Variants in MCC observed in about 807,000 individuals in gnomAD.
MCC encodes the protein colorectal mutant cancer protein.
MCC carries 90 observed loss-of-function variants against 116.2 expected under a neutral mutation model. The observed-to-expected ratio is 0.77, with a 90% CI of 0.65 to 0.92. The LOEUF (loss-of-function observed/expected upper bound fraction) is 0.92, where lower values mean the gene tolerates loss of function less well. MCC is among the 40% of genes least tolerant of loss of function. The pLI, the probability that MCC is intolerant of heterozygous loss-of-function variation, is 0.00. For missense variants in MCC, 1,516 were observed against 1,312.2 expected (o/e 1.16, Z -2.40); for synonymous variants, 578 against 510.5 (o/e 1.13, Z -1.78).
rs777697490 is a variant in MCC at position 113,049,074 on chromosome 5, C to T, written c.2655+19G>A. 1.2e-6 allele frequency: 2 copies of T among 1,610,664 alleles called. No homozygotes were observed. Among genetic ancestry groups the T allele is most frequent in the Non-Finnish European group, 8.5e-7 (1 of 1,178,964 alleles). The stretch of plus-strand genomic sequence containing the variant: ...CAGTCACTGAGCCTAAGGGTGTCCC[C>T]AAGCCACTCCGGCCCTACCTTGCCA... On this transcript the variant is annotated intron_variant, in intron 16 of 18. Coordinates refer to ENST00000408903, the MANE Select transcript of MCC (RefSeq NM_001085377.2).
At chr5:113,468,641 CT>C (rs1771983538) in intron 1 of MCC, among the ~76,000 whole-genome samples, 3 of 152,116 alleles carry the variant, frequency 2.0e-5, no homozygotes, top group African/African-American at 7.2e-5. Context: ...GTCTAAAATT[CT>C]CTTTTTTGGT....
intron 1 of MCC, among the ~76,000 whole-genome samples, chr5:113,451,491 T>C (rs186619375): frequency 7.9e-5 from 12 of 152,256 alleles, no homozygotes; most frequent in African/African-American, 2.6e-4. Flanking sequence ...TCCCAGCACT[T>C]TGGGAGGCCG....
At chr5:113,245,231 G>T (rs1764527583) in intron 3 of MCC, among the ~76,000 whole-genome samples, 1 of 149,788 alleles carries the variant, frequency 6.7e-6, no homozygotes, top group Non-Finnish European at 1.5e-5. Context: ...GGCAGAAGTT[G>T]CAGTAAGCCA....
chr5:113,058,873 C>A (rs922240986), intron 14 of MCC, among the ~76,000 whole-genome samples: 1 of 152,190 alleles, frequency 6.6e-6, no homozygotes, highest in Non-Finnish European at 1.5e-5. Context: ...GATGGCTTTG[C>A]CAACAGCCCC....
chr5:113,350,882 G>C (rs945261143), intron 2 of MCC, among the ~76,000 whole-genome samples: 1 of 152,036 alleles, frequency 6.6e-6, no homozygotes, highest in African/African-American at 2.4e-5. Context: ...CAAAAAATAT[G>C]AATAGAGATT....
intron 3 of MCC, among the ~76,000 whole-genome samples, chr5:113,333,828 T>TACATATGTACATATATAC (rs71687516): frequency 2.0e-3 from 24 of 12,274 alleles, no homozygotes; most frequent in Middle Eastern, 0.12. Flanking sequence ...TACATATATG[T>TACATATGTACATATATAC]ATATATGTAT....
At chr5:113,059,630 C>T (rs1394295553) in intron 14 of MCC, among the ~76,000 whole-genome samples, 1 of 152,224 alleles carries the variant, frequency 6.6e-6, no homozygotes, top group East Asian at 1.9e-4. Context: ...TGACAAAAAC[C>T]CTCGCCACAC....
At chr5:113,292,763 A>G (rs1766555732) in intron 3 of MCC, among the ~76,000 whole-genome samples, 1 of 152,182 alleles carries the variant, frequency 6.6e-6, no homozygotes, top group Non-Finnish European at 1.5e-5. Context: ...ACTCTGCTGC[A>G]TAGAAACATC....
intron 3 of MCC, among the ~76,000 whole-genome samples, chr5:113,271,925 C>G (rs949973461): frequency 2.6e-5 from 4 of 152,180 alleles, no homozygotes; most frequent in Non-Finnish European, 5.9e-5. Context: ...ATTACTCAGT[C>G]TGTGGCATTC....
chr5:113,456,916 C>CTAG (rs1771567998), intron 1 of MCC, among the ~76,000 whole-genome samples: 1 of 152,102 alleles, frequency 6.6e-6, no homozygotes. Flanking sequence ...GGGTGCCTAA[C>CTAG]CTCTATCTCA....
intron 3 of MCC, among the ~76,000 whole-genome samples, chr5:113,245,954 C>T (rs1561483005): frequency 6.6e-6 from 1 of 152,150 alleles, no homozygotes; most frequent in African/African-American, 2.4e-5. Flanking sequence ...CCAAGGAGAA[C>T]AGTATTACTT....
intron 3 of MCC, among the ~76,000 whole-genome samples, chr5:113,302,867 A>G (rs1347838048): frequency 1.3e-5 from 2 of 152,246 alleles, no homozygotes; most frequent in South Asian, 4.1e-4. Context: ...AAGTAAGGCA[A>G]GGAAACCTGT....
At chr5:113,134,848 C>T (rs1424246763) in intron 5 of MCC, among the ~76,000 whole-genome samples, 1 of 151,812 alleles carries the variant, frequency 6.6e-6, no homozygotes, top group Non-Finnish European at 1.5e-5. Context: ...ATTAATTCTT[C>T]CAATCCATAA....
At chr5:113,102,026 T>A in intron 7 of MCC, 81 bp from the exon 8 acceptor site, 1 of 1,350,982 alleles carries the variant, frequency 7.4e-7, no homozygotes, top group Non-Finnish European at 1.1e-6. Context: ...TGAACAGGAA[T>A]AAATGTCCAT....
intron 17 of MCC, among the ~76,000 whole-genome samples, chr5:113,036,557 C>T (rs562107576): frequency 4.9e-4 from 74 of 152,310 alleles, no homozygotes; most frequent in African/African-American, 1.5e-3. Context: ...GCAGGTATGT[C>T]GGTGGCTGTG....
At chr5:113,325,979 G>A (rs1255107937) in intron 3 of MCC, among the ~76,000 whole-genome samples, 1 of 152,210 alleles carries the variant, frequency 6.6e-6, no homozygotes, top group Admixed American at 6.5e-5. Context: ...GCCAGTGAGT[G>A]TGGAGTAAGG....
intron 3 of MCC, among the ~76,000 whole-genome samples, chr5:113,326,240 A>G (rs1282385178): frequency 6.6e-6 from 1 of 152,204 alleles, no homozygotes; most frequent in Non-Finnish European, 1.5e-5. Context: ...CCACAGCAAA[A>G]GAAAAGTTAG....
intron 3 of MCC, among the ~76,000 whole-genome samples, chr5:113,157,386 A>G (rs561463302): frequency 7.9e-5 from 12 of 152,328 alleles, no homozygotes; most frequent in African/African-American, 2.6e-4. Context: ...GAGAACCTAG[A>G]TTCATCTTTG....
chr5:113,174,860 A>G (rs1036124346), intron 3 of MCC, among the ~76,000 whole-genome samples: 3 of 152,172 alleles, frequency 2.0e-5, no homozygotes, highest in African/African-American at 7.2e-5. Flanking sequence ...AAGTGCTGGG[A>G]TTACAGGAGT....
Sources: gnomAD v4.1 joint callset for allele counts (sites outside exome capture counted in the v4.1 genomes callset) on GRCh38, gnomAD v4.1.1 for gene constraint, MANE v1.5 for transcripts, NCBI Gene and HGNC (gene_info 2026-07-23, HGNC 2026-07-21) for gene names.